The following GMDS variants were observed in gnomAD, a reference collection of about 807,000 sequenced individuals.
GMDS encodes GDP-mannose 4,6-dehydratase, also known as GDP-mannose 4,6 dehydratase.
A neutral mutation model predicts 49.9 loss-of-function variants in GMDS; 20 were observed. That is an observed-to-expected ratio of 0.40 (90% CI 0.28 to 0.58). GMDS has a LOEUF of 0.58. Among genes scored for constraint, GMDS ranks in the 20% least tolerant of loss-of-function variants. The pLI is 0.42. For synonymous variants in GMDS, 177 were observed against 178.6 expected (o/e 0.99, Z 0.07); for missense variants, 362 against 481.4 (o/e 0.75, Z 2.32).
intron 7 of GMDS, among the ~76,000 whole-genome samples, chr6:1,925,618 T>G (rs979927302): frequency 6.6e-6 from 1 of 152,238 alleles, no homozygotes; most frequent in Non-Finnish European, 1.5e-5. Context: ...CTGCTCTTCA[T>G]GATGGAAATT....
chr6:2,160,309 C>A (rs1232342446), intron 1 of GMDS, among the ~76,000 whole-genome samples: 3 of 152,124 alleles, frequency 2.0e-5, no homozygotes, highest in African/African-American at 4.8e-5. Flanking sequence ...CAGAGAGTGT[C>A]CAGGCCTTGC....
intron 7 of GMDS, among the ~76,000 whole-genome samples, chr6:1,808,016 A>G (rs1398295469): frequency 6.6e-6 from 1 of 152,214 alleles, no homozygotes; most frequent in Non-Finnish European, 1.5e-5. Flanking sequence ...TTTCTAGACT[A>G]TATAAATAAC....
At chr6:1,805,000 A>G (rs1770112199) in intron 7 of GMDS, among the ~76,000 whole-genome samples, 1 of 152,156 alleles carries the variant, frequency 6.6e-6, no homozygotes, top group African/African-American at 2.4e-5. Flanking sequence ...GTGGCTTTCT[A>G]TTTCAAAAAG....
intron 1 of GMDS, among the ~76,000 whole-genome samples, chr6:2,148,454 CTT>C (rs1424089093): frequency 6.6e-6 from 1 of 152,116 alleles, no homozygotes; most frequent in East Asian, 1.9e-4. Context: ...GAGTTTACCT[CTT>C]GTCGCCCAGG....
At chr6:2,038,896 C>A (rs924507305) in intron 4 of GMDS, among the ~76,000 whole-genome samples, 3 of 152,174 alleles carry the variant, frequency 2.0e-5, no homozygotes, top group African/African-American at 7.2e-5. Flanking sequence ...ATATGTCCCT[C>A]ATTTAGATTT....
chr6:2,056,482 A>G (rs1770784912), intron 4 of GMDS, among the ~76,000 whole-genome samples: 1 of 152,186 alleles, frequency 6.6e-6, no homozygotes, highest in African/African-American at 2.4e-5. Flanking sequence ...ACTCTGACAG[A>G]TGTAAAAGAG....
intron 4 of GMDS, among the ~76,000 whole-genome samples, chr6:2,034,916 T>C (rs1161481731): frequency 6.6e-6 from 1 of 152,104 alleles, no homozygotes. Flanking sequence ...GCAACCACTT[T>C]TGAGACCATG....
chr6:2,180,960 G>A (rs982403346), intron 1 of GMDS, among the ~76,000 whole-genome samples: 4 of 152,010 alleles, frequency 2.6e-5, no homozygotes, highest in Non-Finnish European at 5.9e-5. Flanking sequence ...GAGGTCAGGA[G>A]ATCGAGACCA....
chr6:2,056,767 G>T (rs1380141881), intron 4 of GMDS, among the ~76,000 whole-genome samples: 1 of 152,228 alleles, frequency 6.6e-6, no homozygotes, highest in African/African-American at 2.4e-5. Context: ...TCTTGTTTTA[G>T]AATAATTTTT....
At chr6:1,877,644 TAAA>T (rs60037634) in intron 7 of GMDS, among the ~76,000 whole-genome samples, 13 of 90,508 alleles carry the variant, frequency 1.4e-4, no homozygotes, top group Admixed American at 3.9e-4. Flanking sequence ...TCTCAAAAAT[TAAA>T]AAAAAAAAAA....
At chr6:1,896,074 G>A (rs752377461) in intron 7 of GMDS, among the ~76,000 whole-genome samples, 1 of 152,174 alleles carries the variant, frequency 6.6e-6, no homozygotes, top group Non-Finnish European at 1.5e-5. Context: ...GGCACAAGCA[G>A]ATTGGGGGAG....
At chr6:1,824,343 G>A (rs1185142627) in intron 7 of GMDS, among the ~76,000 whole-genome samples, 1 of 152,110 alleles carries the variant, frequency 6.6e-6, no homozygotes, top group Non-Finnish European at 1.5e-5. Context: ...GAATTCAGGT[G>A]TGCACTTCTA....
intron 4 of GMDS, among the ~76,000 whole-genome samples, chr6:2,095,349 T>C (rs1773535151): frequency 6.6e-6 from 1 of 152,222 alleles, no homozygotes; most frequent in Non-Finnish European, 1.5e-5. Flanking sequence ...CAAACTCGTA[T>C]TAACTTAAGA....
At chr6:1,885,853 T>C (rs1208207697) in intron 7 of GMDS, among the ~76,000 whole-genome samples, 1 of 152,216 alleles carries the variant, frequency 6.6e-6, no homozygotes, top group African/African-American at 2.4e-5. Context: ...ATTTTACCCT[T>C]TCCTCTTGTT....
Position 1,672,219 on chromosome 6 carries a change from C to T in GMDS, c.988-47679G>A, listed in dbSNP as rs370288733. ...TCTGACAAACTTGAGGCCATTGCTG[C>T]GCCATGTTTTCCCAAATGATAAAGG... On this transcript the variant is annotated intron_variant, in intron 9 of 10. Coordinates refer to ENST00000380815, the MANE Select transcript of GMDS (RefSeq NM_001500.4). Among the ~76,000 whole-genome samples the T allele has an allele frequency of 1.1e-4, 17 of 152,246 alleles. No homozygotes were observed. In the South Asian group the frequency reaches 2.9e-3, roughly 26 times the overall value.
intron 9 of GMDS, among the ~76,000 whole-genome samples, chr6:1,639,408 G>A (rs873709): frequency 0.11 from 16,690 of 152,274 alleles, 1,105 homozygotes; most frequent in Non-Finnish European, 0.15. Context: ...AGAAGGTAGG[G>A]AGACGAAGTG....
At chr6:2,169,887 A>T (rs1777869336) in intron 1 of GMDS, among the ~76,000 whole-genome samples, 1 of 152,020 alleles carries the variant, frequency 6.6e-6, no homozygotes, top group African/African-American at 2.4e-5. Flanking sequence ...CTGATTCAGA[A>T]GGTGCTATCT....
chr6:1,660,546 C>T (rs1320068640), intron 9 of GMDS, among the ~76,000 whole-genome samples: 1 of 151,572 alleles, frequency 6.6e-6, no homozygotes. Flanking sequence ...ACATGTGGCT[C>T]ATCCAGTAGG....
chr6:1,932,999 A>G (rs999460602), intron 6 of GMDS, among the ~76,000 whole-genome samples: 3 of 152,248 alleles, frequency 2.0e-5, no homozygotes, highest in East Asian at 1.9e-4. Context: ...CATCATCCCA[A>G]AAAGAAACCC....
Sources: allele counts gnomAD v4.1 joint callset (sites outside exome capture counted in the v4.1 genomes callset), GRCh38; gene constraint gnomAD v4.1.1; transcripts MANE v1.5; gene names NCBI Gene and HGNC (gene_info 2026-07-23, HGNC 2026-07-21).